SYBU: variants seen among roughly 807,000 people sequenced by gnomAD.
The protein encoded by SYBU is syntabulin, also known as GOLSYN A protein.
A neutral mutation model predicts 35.9 loss-of-function variants in SYBU; 21 were observed. The observed-to-expected ratio is 0.58, with a 90% CI of 0.41 to 0.84. The LOEUF is 0.84. Ranked by LOEUF, SYBU falls within the 40% of genes least tolerant of loss-of-function variation. The pLI is 0.00. For missense variants in SYBU, 768 were observed against 848.2 expected, an observed-to-expected ratio of 0.91 and a Z score of 1.17; for synonymous variants, 319 against 324.3, an observed-to-expected ratio of 0.98 and a Z score of 0.18.
At chr8:109,679,148 C>G (rs1817311304) in intron 1 of SYBU, among the ~76,000 whole-genome samples, 1 of 152,188 alleles carries the variant, frequency 6.6e-6, no homozygotes, top group East Asian at 1.9e-4. Context: ...AAAAGACACT[C>G]CTACCAGCGC....
upstream of SYBU, among the ~76,000 whole-genome samples, chr8:109,681,518 T>C (rs28684926): frequency 0.089 from 13,480 of 152,250 alleles, 679 homozygotes; most frequent in East Asian, 0.12. Context: ...GTCAAATTTT[T>C]AAGAAGAAAT....
At chr8:109,619,117 C>A in intron 2 of SYBU, 78 bp from the exon 3 acceptor site, 1 of 1,070,242 alleles carries the variant, frequency 9.3e-7, no homozygotes. Flanking sequence ...GTGCACCACA[C>A]ACACGCACAC....
At chr8:109,667,274 G>A (rs549960530) in intron 1 of SYBU, among the ~76,000 whole-genome samples, 14 of 151,950 alleles carry the variant, frequency 9.2e-5, no homozygotes, top group African/African-American at 2.9e-4. Context: ...CCACCACTAC[G>A]CCTGGCTAAT....
chr8:109,615,601 C>G (rs865778040), intron 3 of SYBU, among the ~76,000 whole-genome samples: 1 of 151,924 alleles, frequency 6.6e-6, no homozygotes, highest in South Asian at 2.1e-4. Context: ...TTTTAGGCAA[C>G]TAAAAAAATA....
chr8:109,644,226 C>T (rs1222823456), intron 1 of SYBU: 2 of 477,040 alleles, frequency 4.2e-6, no homozygotes, highest in Admixed American at 4.6e-5. Context: ...CCAGCAGGTA[C>T]CATGCGCCAG....
intron 1 of SYBU, among the ~76,000 whole-genome samples, chr8:109,664,261 G>A (rs1369054785): frequency 6.6e-6 from 1 of 152,174 alleles, no homozygotes; most frequent in Non-Finnish European, 1.5e-5. Flanking sequence ...AGAAACAAAT[G>A]TGCTCTATTA....
At chr8:109,624,164 T>TA (rs926105076) in intron 2 of SYBU, among the ~76,000 whole-genome samples, 40 of 151,752 alleles carry the variant, frequency 2.6e-4, no homozygotes, top group Admixed American at 1.3e-4. Context: ...ACTGGATATA[T>TA]AAAAAAAACT....
intron 3 of SYBU, among the ~76,000 whole-genome samples, chr8:109,597,104 G>A (rs928033723): frequency 1.3e-5 from 2 of 152,118 alleles, no homozygotes; most frequent in South Asian, 2.1e-4. Flanking sequence ...CAGGAATTAC[G>A]TGATGCCCTG....
chr8:109,601,725 C>A (rs892430987), intron 3 of SYBU, among the ~76,000 whole-genome samples: 41 of 151,956 alleles, frequency 2.7e-4, no homozygotes, highest in Non-Finnish European at 5.7e-4. Context: ...ATCACATGAA[C>A]TAAAACACAG....
chr8:109,666,576 A>G (rs1360603620), intron 1 of SYBU, among the ~76,000 whole-genome samples: 2 of 152,126 alleles, frequency 1.3e-5, no homozygotes, highest in Non-Finnish European at 2.9e-5. Context: ...CCCTGTCTCT[A>G]CTAATAATAC....
chr8:109,644,566 C>T, intron 1 of SYBU, 70 bp downstream of exon 1: 1 of 1,508,076 alleles, frequency 6.6e-7, no homozygotes, highest in East Asian at 2.5e-5. Context: ...AGCTCTCATC[C>T]CGCCGCTTCT....
At chr8:109,599,725 G>A (rs942114437) in intron 3 of SYBU, among the ~76,000 whole-genome samples, 11 of 152,182 alleles carry the variant, frequency 7.2e-5, no homozygotes, top group African/African-American at 2.4e-4. Context: ...CTACTCCAGA[G>A]AAGAAACCTC....
intron 3 of SYBU, among the ~76,000 whole-genome samples, chr8:109,594,433 C>G (rs1824631730): frequency 6.6e-6 from 1 of 152,086 alleles, no homozygotes; most frequent in African/African-American, 2.4e-5. Context: ...AATAAAACAC[C>G]CACTTACTGG....
chr8:109,611,343 A>T (rs1353218286), intron 3 of SYBU, among the ~76,000 whole-genome samples: 1 of 152,232 alleles, frequency 6.6e-6, no homozygotes, highest in Non-Finnish European at 1.5e-5. Flanking sequence ...GGGAAAAACC[A>T]TTAAAGGGCC....
At chr8:109,677,242 C>T (rs62526146) in intron 1 of SYBU, among the ~76,000 whole-genome samples, 12,272 of 152,058 alleles carry the variant, frequency 0.081, 620 homozygotes, top group East Asian at 0.12. Context: ...TACAAGTTAA[C>T]CCCTGGTACC....
At chr8:109,637,084 A>G (rs1014670934) in intron 2 of SYBU, among the ~76,000 whole-genome samples, 1 of 152,200 alleles carries the variant, frequency 6.6e-6, no homozygotes, top group Non-Finnish European at 1.5e-5. Flanking sequence ...CAGACCACAA[A>G]GAAGTGAGGC....
intron 1 of SYBU, among the ~76,000 whole-genome samples, chr8:109,668,124 G>A (rs1816822577): frequency 7.1e-6 from 1 of 141,122 alleles, no homozygotes; most frequent in Admixed American, 7.3e-5. Context: ...AGGGAATAAG[G>A]GAGGGAGGGG....
At chr8:109,593,818 T>A (rs544430656) in intron 3 of SYBU, among the ~76,000 whole-genome samples, 1 of 152,294 alleles carries the variant, frequency 6.6e-6, no homozygotes, top group South Asian at 2.1e-4. Flanking sequence ...GGCAGGCATG[T>A]CCAACGGGCA....
chr8:109,602,264 G>A (rs1328642566), intron 3 of SYBU, among the ~76,000 whole-genome samples: 1 of 152,026 alleles, frequency 6.6e-6, no homozygotes, highest in Non-Finnish European at 1.5e-5. Context: ...ACAATTGAGT[G>A]GAGATACGTA....
Sources: gnomAD v4.1 joint callset for allele counts (sites outside exome capture counted in the v4.1 genomes callset) on GRCh38, gnomAD v4.1.1 for gene constraint, MANE v1.5 for transcripts, NCBI Gene and HGNC (gene_info 2026-07-23, HGNC 2026-07-21) for gene names.